ILDR2: variants seen among roughly 807,000 people sequenced by gnomAD.
ILDR2 encodes immunoglobulin like domain containing receptor 2.
Under a neutral mutation model 66.8 loss-of-function variants are expected in ILDR2, and 25 were observed. The ratio of observed to expected loss-of-function variants is 0.37; its 90% CI spans 0.27 to 0.52. ILDR2 has a LOEUF of 0.52. ILDR2 is among the 20% of genes least tolerant of loss of function. ILDR2 has a pLI of 0.88. For synonymous variants in ILDR2, 367 were observed against 357.2 expected (o/e 1.03, Z -0.31); for missense variants, 827 against 876.8 (o/e 0.94, Z 0.72).
At chr1:166,944,484 T>C in intron 3 of ILDR2, among the ~76,000 whole-genome samples, 1 of 152,168 alleles carries the variant, frequency 6.6e-6, no homozygotes, top group African/African-American at 2.4e-5. Context: ...TCAGCCCTCT[T>C]TGCATTTTTG....
At position 166,920,755 on chromosome 1, in the gene ILDR2, G is replaced by A; in HGVS notation, c.1836C>T (p.Tyr612=). Residue 612 remains tyrosine (Y), a synonymous_variant, in exon 9 of 10, where the codon TAC becomes TAT. Coordinates refer to ENST00000271417, the MANE Select transcript of ILDR2 (RefSeq NM_199351.3). ...TCCTCTTCTTCTCCGAGTTGCTGTG[G>A]TAGGGCAGGTCGCGGCCGCGGTAGG... ...GPSYRGRDLP[Y]HSNSEKKRKK... 1.3e-6 allele frequency: 2 copies of A among 1,486,432 alleles called. No individual in the cohort carries two copies. Among genetic ancestry groups the A allele is most frequent in the Non-Finnish European group, 1.8e-6 (2 of 1,117,952 alleles). The allele number at this position is 1,486,432 out of a possible 1,614,324, so 92.1% of individuals were successfully genotyped here.
intron 3 of ILDR2, among the ~76,000 whole-genome samples, chr1:166,954,674 ATTT>A (rs1052340800): frequency 6.6e-6 from 1 of 151,788 alleles, no homozygotes; most frequent in Non-Finnish European, 1.5e-5. Flanking sequence ...AGTAATACTG[ATTT>A]TTTTTCTTCA....
rs1177273002 is a variant in ILDR2 at position 166,918,206 on chromosome 1, T to C, written c.*1149A>G. ...CTTCCTGAGAAAGCAGTATCTCTAA[T>C]CTCTTGAAAGCAGCCATAGTGGCAG... On this transcript the variant is annotated 3_prime_UTR_variant, in exon 10 of 10. Transcript: ENST00000271417. 1 of 152,138 alleles carries C rather than the reference T, an allele frequency of 6.6e-6. No individual in the cohort carries two copies. Among genetic ancestry groups the C allele is most frequent in the Admixed American group, 6.5e-5 (1 of 15,276 alleles). 9.4% of individuals were successfully genotyped at this position (152,138 alleles called of 1,614,324 possible).
At chr1:166,953,123 T>G (rs1182728533) in intron 3 of ILDR2, among the ~76,000 whole-genome samples, 2 of 152,212 alleles carry the variant, frequency 1.3e-5, no homozygotes, top group Non-Finnish European at 2.9e-5. Context: ...GGAGAATTAA[T>G]TCTTCTCTGT....
chr1:166,922,622 G>T lies in ILDR2; in HGVS notation c.1182C>A (p.Asn394Lys). 6.2e-7 allele frequency: 1 copy of T among 1,614,064 alleles called. No homozygotes were observed. Among genetic ancestry groups the T allele is most frequent in the Non-Finnish European group, 8.5e-7 (1 of 1,180,016 alleles). Residue 394 changes from asparagine to lysine, a missense_variant, in exon 8 of 10, where the codon AAC (asparagine) becomes AAA (lysine). Transcript: ENST00000271417. Reference protein sequence around the residue: ...ASRGPSAMEYNKEDRESFRHS... With the variant: ...ASRGPSAMEYKKEDRESFRHS... ...GCCTGAAGCTCTCTCGATCCTCTTT[G>T]TTATACTCCATGGCTGAGGGCCCGC...
chr1:166,973,514 T>C (rs1663422998), intron 1 of ILDR2, among the ~76,000 whole-genome samples: 1 of 151,500 alleles, frequency 6.6e-6, no homozygotes, highest in African/African-American at 2.4e-5. Flanking sequence ...GAGAGCTCTA[T>C]GTTTCCCTTC....
Position 166,921,171 on chromosome 1 carries a change from A to G in ILDR2, c.1420T>C (p.Leu474=), listed in dbSNP as rs747639901. Residue 474 remains leucine (L), a synonymous_variant, in exon 9 of 10, where the codon TTG becomes CTG. Coordinates refer to ENST00000271417, the MANE Select transcript of ILDR2 (RefSeq NM_199351.3). The surrounding 1 kb of genome is among the most constrained non-coding windows in gnomAD (Gnocchi z 5.3). Reference sequence around the variant, plus strand: ...CTGCGCTGACCGTAGTACTCCTCCAAGGAGTCGTCCTGGTAGAAGCCGCTG... The same window carrying G: ...CTGCGCTGACCGTAGTACTCCTCCAGGGAGTCGTCCTGGTAGAAGCCGCTG... ...AHSGFYQDDS[L]EEYYGQRSRS... The G allele has an allele frequency of 3.2e-6, 5 of 1,556,354 alleles. No homozygotes were observed. Among genetic ancestry groups the G allele is most frequent in the Admixed American group, 1.9e-5 (1 of 53,204 alleles).
Position 166,922,594 on chromosome 1 carries a change from T to C in ILDR2, c.1210A>G (p.Ser404Gly), listed in dbSNP as rs1184525622. 1.2e-6 allele frequency: 2 copies of C among 1,613,372 alleles called. No individual in the cohort carries two copies. Among genetic ancestry groups the C allele is most frequent in the Non-Finnish European group, 1.7e-6 (2 of 1,179,878 alleles). Residue 404 changes from serine to glycine, a missense_variant and splice_region_variant, in exon 8 of 10, where the codon AGC (serine) becomes GGC (glycine). Ser to Gly is a moderately conservative substitution (Grantham distance 56, BLOSUM62 0). Around this residue, in one of 2 missense-constraint regions of ILDR2, gnomAD observed 437 missense variants for 523.2 expected, o/e 0.84. Transcript: ENST00000271417. ...NKEDRESFRH[S>G]QPRSKSEMLS... Reference sequence around the variant, plus strand: ...AGACCTGCCCCTCACAGCCATCACCTGTGCCTGAAGCTCTCTCGATCCTCT... The same window carrying C: ...AGACCTGCCCCTCACAGCCATCACCCGTGCCTGAAGCTCTCTCGATCCTCT...
rs1425262607 is a variant in ILDR2 at position 166,921,110 on chromosome 1, C to A, written c.1481G>T (p.Gly494Val). The A allele has an allele frequency of 7.9e-6, 12 of 1,516,370 alleles. No homozygotes were observed. Among genetic ancestry groups the A allele is most frequent in the Middle Eastern group, 2.0e-4 (1 of 4,998 alleles). The allele number at this position is 1,516,370 out of a possible 1,614,324, so 93.9% of individuals were successfully genotyped here. ...SREPLTDADRGWAFSPARRRP... is the reference protein window; with the variant it reads ...SREPLTDADRVWAFSPARRRP... Reference sequence around the variant, plus strand: ...GCGGCGCGCGGGGCTGAAGGCCCAGCCGCGGTCAGCATCGGTCAGGGGCTC... The same window carrying A: ...GCGGCGCGCGGGGCTGAAGGCCCAGACGCGGTCAGCATCGGTCAGGGGCTC... The change falls in exon 9 of 10, where the codon GGC (glycine) becomes GTC (valine). Residue 494 changes from glycine to valine, a missense_variant. By Grantham distance (109) the Gly-to-Val change is moderately radical. This residue lies in a region of ILDR2 where 390 missense variants were observed against 353.6 expected (regional missense o/e 1.10). Coordinates refer to ENST00000271417, the MANE Select transcript of ILDR2 (RefSeq NM_199351.3). The surrounding 1 kb of genome is among the most constrained non-coding windows in gnomAD (Gnocchi z 5.3).
intron 7 of ILDR2, among the ~76,000 whole-genome samples, chr1:166,924,743 G>A (rs1052763812): frequency 6.6e-6 from 1 of 152,216 alleles, no homozygotes; most frequent in Non-Finnish European, 1.5e-5. Flanking sequence ...GGCTGGGCAC[G>A]GTAGCTCATG....
At chr1:166,955,250 T>C (rs978615887) in intron 3 of ILDR2, among the ~76,000 whole-genome samples, 2 of 152,204 alleles carry the variant, frequency 1.3e-5, no homozygotes, top group Non-Finnish European at 2.9e-5. Flanking sequence ...CCAAAGACTT[T>C]GTTTGAATTA....
Position 166,936,597 on chromosome 1 carries a change from G to A in ILDR2, c.697C>T (p.Gln233Ter). ...CAGCGGTCACTGTACTCACAGGCTT[G>A]AGGGCAGCAGCAGGAATCTGGGCAG... ...PCCPDSCCCP[Q>*]ALYEAGKAAK... The change falls in exon 5 of 10, where the codon CAA becomes TAA. Residue 233 changes from glutamine to a stop codon, truncating the protein, a stop_gained. Coordinates refer to ENST00000271417, the MANE Select transcript of ILDR2 (RefSeq NM_199351.3). LOFTEE classifies it high-confidence loss of function. The surrounding 1 kb of genome is among the most constrained non-coding windows in gnomAD (Gnocchi z 5.0). The A allele has an allele frequency of 6.2e-7, 1 of 1,614,124 alleles. No individual in the cohort carries two copies. The highest frequency in any genetic ancestry group is 8.5e-7 in the Non-Finnish European group (1 of 1,180,016).
At chr1:166,942,181 T>C (rs543441508) in intron 3 of ILDR2, among the ~76,000 whole-genome samples, 15 of 152,270 alleles carry the variant, frequency 9.9e-5, no homozygotes, top group African/African-American at 2.9e-4. Context: ...GGTGTAATTT[T>C]TAATAGCACC....
intron 3 of ILDR2, among the ~76,000 whole-genome samples, chr1:166,954,390 T>A (rs1003466824): frequency 2.0e-5 from 3 of 152,228 alleles, no homozygotes; most frequent in Non-Finnish European, 2.9e-5. Flanking sequence ...GAATTTTGTA[T>A]TTGGAAAGTA....
chr1:166,972,923 TGAAGAATGAGTCTGA>T (rs1663393125), intron 1 of ILDR2, among the ~76,000 whole-genome samples: 1 of 152,236 alleles, frequency 6.6e-6, no homozygotes. Flanking sequence ...TGGTTCTCTG[TGAAGAATGAGTCTGA>T]ATTCATCTCC....
intron 4 of ILDR2, among the ~76,000 whole-genome samples, chr1:166,939,264 G>GGAAAGTTA: frequency 6.6e-6 from 1 of 152,194 alleles, no homozygotes; most frequent in Non-Finnish European, 1.5e-5. Context: ...CAAAGAGCCT[G>GGAAAGTTA]CATGCCTGAC....
intron 3 of ILDR2, among the ~76,000 whole-genome samples, chr1:166,943,002 C>T (rs1661397171): frequency 1.3e-5 from 2 of 152,190 alleles, no homozygotes; most frequent in East Asian, 3.8e-4. Flanking sequence ...CTCCCTGAAG[C>T]AACAGTCAAT....
chr1:166,921,833 G>A lies in ILDR2; in HGVS notation c.1212-454C>T, dbSNP rs1229390959. ...GCCAAGGGCCAAGTTACCTACTGGG[G>A]CAGGAGGGGAGAAGGACACTTGCAA... On this transcript the variant is annotated intron_variant, in intron 8 of 9. Coordinates refer to ENST00000271417, the MANE Select transcript of ILDR2 (RefSeq NM_199351.3). The surrounding 1 kb of genome is among the most constrained non-coding windows in gnomAD (Gnocchi z 5.3). Among the ~76,000 whole-genome samples, 1 of 152,158 alleles carries A rather than the reference G, an allele frequency of 6.6e-6. No homozygotes were observed. Among genetic ancestry groups the A allele is most frequent in the Non-Finnish European group, 1.5e-5 (1 of 68,022 alleles).
intron 2 of ILDR2, among the ~76,000 whole-genome samples, chr1:166,897,054 G>C (rs1659180873): frequency 1.3e-5 from 2 of 152,164 alleles, no homozygotes; most frequent in Admixed American, 6.5e-5. Flanking sequence ...GAGAGTTTTT[G>C]TGCAGGACAA....
Sources: allele counts gnomAD v4.1 joint callset (sites outside exome capture counted in the v4.1 genomes callset), GRCh38; gene constraint gnomAD v4.1.1; regional missense constraint gnomAD v4.1.1; non-coding constraint Gnocchi (gnomAD v3.1); transcripts MANE v1.5; gene names NCBI Gene and HGNC (gene_info 2026-07-23, HGNC 2026-07-21).